Variants in THTPA observed in about 807,000 individuals in gnomAD.
The protein encoded by THTPA is thiamine-triphosphatase.
In THTPA, 16 loss-of-function variants were observed where a neutral mutation model predicts 16.5. That is an observed-to-expected ratio of 0.97 (90% CI 0.66 to 1.47). The LOEUF is 1.47. Among genes scored for constraint, THTPA ranks in the 40% most tolerant of loss-of-function variants. THTPA has a pLI of 0.00. For missense variants in THTPA, 281 were observed against 280.9 expected (o/e 1.00, Z 0.00); for synonymous variants, 110 against 115.5 (o/e 0.95, Z 0.30).
the THTPA span, chr14:23,535,263 C>T: frequency 3.2e-5 from 48 of 1,501,844 alleles, no homozygotes; most frequent in Admixed American, 2.0e-4. This position sits in a 1 kb window ranked among gnomAD's most constrained non-coding sequence, Gnocchi z 4.5. Context: ...AAGGCAGGGA[C>T]GGGGCATTGT....
At chr14:23,537,730 G>A in the THTPA span, among the ~76,000 whole-genome samples, 3 of 152,194 alleles carry the variant, frequency 2.0e-5, no homozygotes, top group Admixed American at 2.0e-4. Context: ...GAAAGCAGAA[G>A]CCCTCAAGTT....
In THTPA at chr14:23,556,403, C is replaced by T. The variant is rs570352956; in HGVS notation, c.-355C>T. On this transcript the variant is annotated 5_prime_UTR_variant, in exon 1 of 2. Transcript: ENST00000288014. ...CAGGAAAGGGCAGGTCCTCCCGGGT[C>T]GTGAGCCAGTAGCCTCCTGGGGTGG... 4 of 242,200 alleles carry T rather than the reference C, an allele frequency of 1.7e-5. No homozygotes were observed. Among genetic ancestry groups the T allele is most frequent in the African/African-American group, 4.5e-5 (2 of 44,350 alleles). 15.0% of individuals were successfully genotyped at this position (242,200 alleles called of 1,614,324 possible).
At chr14:23,549,607 A>T in the THTPA span, among the ~76,000 whole-genome samples, 1 of 152,204 alleles carries the variant, frequency 6.6e-6, no homozygotes, top group East Asian at 1.9e-4. Context: ...GATGAACTAA[A>T]AAGTGAAGAA....
chr14:23,542,202 A>C, the THTPA span: 1 of 152,482 alleles, frequency 6.6e-6, no homozygotes, highest in African/African-American at 2.4e-5. Context: ...GCCTGTCCCC[A>C]GTGAGAAGGA....
At chr14:23,529,589 T>C in the THTPA span, 22 of 1,012,776 alleles carry the variant, frequency 2.2e-5, no homozygotes, top group Admixed American at 4.6e-4. Flanking sequence ...ATTTCTTAAC[T>C]GTGCTATTCT....
At chr14:23,531,902 G>A in the THTPA span, 11 of 772,030 alleles carry the variant, frequency 1.4e-5, no homozygotes, top group African/African-American at 3.6e-5. Flanking sequence ...TCAGCCTCCC[G>A]AGTAGCTGGG....
the THTPA span, chr14:23,526,317 G>A: frequency 6.5e-7 from 1 of 1,536,300 alleles, no homozygotes; most frequent in Non-Finnish European, 8.7e-7. Flanking sequence ...GAATTATAAT[G>A]AACCAACAGA....
At chr14:23,529,706 T>C in the THTPA span, 2 of 1,536,184 alleles carry the variant, frequency 1.3e-6, no homozygotes, top group Admixed American at 2.0e-5. Flanking sequence ...ACCCCAATTC[T>C]GACCGTGGTC....
chr14:23,531,478 C>T, the THTPA span: 1 of 1,403,078 alleles, frequency 7.1e-7, no homozygotes, highest in Non-Finnish European at 9.3e-7. Flanking sequence ...CCTTCTTCCT[C>T]ACCGGGAGTC....
the THTPA span, chr14:23,531,878 G>C: frequency 2.0e-6 from 2 of 1,015,532 alleles, no homozygotes; most frequent in Non-Finnish European, 1.3e-6. Context: ...CCTGGGTTCA[G>C]TGATTCTCAT....
the THTPA span, among the ~76,000 whole-genome samples, chr14:23,548,674 G>T: frequency 6.6e-6 from 1 of 152,142 alleles, no homozygotes; most frequent in Non-Finnish European, 1.5e-5. Context: ...AAGGCCTTTC[G>T]TGGGGGTAGT....
chr14:23,551,826 G>C (rs1002318090), upstream of THTPA, among the ~76,000 whole-genome samples: 4 of 152,190 alleles, frequency 2.6e-5, no homozygotes, highest in African/African-American at 9.6e-5. This position sits in a 1 kb window ranked among gnomAD's most constrained non-coding sequence, Gnocchi z 5.3. Context: ...CGCCCGCCGC[G>C]GCGCATGCCG....
At chr14:23,522,089 G>T in the THTPA span, 2 of 1,536,104 alleles carry the variant, frequency 1.3e-6, no homozygotes, top group Non-Finnish European at 8.7e-7. Context: ...GATGGAGATG[G>T]GTGGGCCCCC....
upstream of THTPA, chr14:23,551,772 T>C (rs1337663334): frequency 6.6e-6 from 1 of 152,352 alleles, no homozygotes; most frequent in Admixed American, 6.6e-5. The surrounding 1 kb of genome is among the most constrained non-coding windows in gnomAD (Gnocchi z 5.3). Flanking sequence ...GAATAATCAA[T>C]ACCCAGGCGC....
rs759113003 is a variant in THTPA at position 23,559,826 on chromosome 14, G to C, written c.*986G>C. 8 of 1,614,036 alleles carry C rather than the reference G, an allele frequency of 5.0e-6. No individual in the cohort carries two copies. The highest frequency in any genetic ancestry group is 3.3e-5 in the Admixed American group (2 of 60,008). On this transcript the variant is annotated 3_prime_UTR_variant, in exon 2 of 2. Coordinates refer to ENST00000288014, the MANE Select transcript of THTPA (RefSeq NM_024328.6). ...GACTGGTGAAAGTGGTCGTAGGTGA[G>C]GCGCAGCTTTAGCCGCAGGGGGGCC...
the THTPA span, among the ~76,000 whole-genome samples, chr14:23,539,707 C>T: frequency 1.1e-3 from 165 of 152,282 alleles, no homozygotes; most frequent in African/African-American, 3.9e-3. Context: ...TCCCATCCCC[C>T]AGCAAGACCA....
At chr14:23,524,507 A>C in the THTPA span, 1 of 1,527,488 alleles carries the variant, frequency 6.5e-7, no homozygotes, top group Non-Finnish European at 8.8e-7. This position sits in a 1 kb window ranked among gnomAD's most constrained non-coding sequence, Gnocchi z 5.6. Context: ...TCTCTCCCCA[A>C]ACACCAGCAA....
upstream of THTPA, among the ~76,000 whole-genome samples, chr14:23,555,120 T>TG (rs1426283016): frequency 2.6e-5 from 4 of 152,244 alleles, 1 homozygote; most frequent in Middle Eastern, 0.01. Context: ...CTGGAGTAGC[T>TG]GGGAACACAA....
At chr14:23,522,166 A>C in the THTPA span, 1 of 1,499,262 alleles carries the variant, frequency 6.7e-7, no homozygotes, top group Non-Finnish European at 8.9e-7. Context: ...CTTCACGCCC[A>C]CTCAGCAGCA....
Sources: gnomAD v4.1 joint callset for allele counts (sites outside exome capture counted in the v4.1 genomes callset) on GRCh38, gnomAD v4.1.1 for gene constraint, Gnocchi (gnomAD v3.1) non-coding constraint, MANE v1.5 for transcripts, NCBI Gene and HGNC (gene_info 2026-07-23, HGNC 2026-07-21) for gene names.